Variants in CDKN3 observed in about 807,000 individuals in gnomAD.
The protein encoded by CDKN3 is cyclin-dependent kinase inhibitor 3.
A neutral mutation model predicts 36.1 loss-of-function variants in CDKN3; 19 were observed. The ratio of observed to expected loss-of-function variants is 0.53; its 90% CI spans 0.37 to 0.77. CDKN3 has a LOEUF of 0.77. CDKN3 is among the 30% of genes least tolerant of loss of function. The probability of loss-of-function intolerance (pLI) is 0.00; values close to 1 mark genes in which losing one functional copy is unlikely to be tolerated. For missense variants in CDKN3, 188 were observed against 248.6 expected, an observed-to-expected ratio of 0.76 and a Z score of 1.64; for synonymous variants, 71 against 85.3, an observed-to-expected ratio of 0.83 and a Z score of 0.92.
chr14:54,411,256 C>G, intron 4 of CDKN3: 1 of 459,792 alleles, frequency 2.2e-6, no homozygotes, highest in Non-Finnish European at 3.8e-6. Flanking sequence ...GCAAGAACAG[C>G]AATTGACTTA....
At chr14:54,397,225 C>A in intron 1 of CDKN3, 148 bp downstream of exon 1, 1 of 950,956 alleles carries the variant, frequency 1.1e-6, no homozygotes. Flanking sequence ...AGGTGACTCG[C>A]ACGGGCCCAG....
intron 7 of CDKN3, among the ~76,000 whole-genome samples, chr14:54,418,603 G>C (rs2030626243): frequency 6.6e-6 from 1 of 152,192 alleles, no homozygotes; most frequent in East Asian, 1.9e-4. Context: ...TCAGAAGCGT[G>C]CCCTCTCAGC....
chr14:54,419,157 C>CAA (rs770520508), intron 7 of CDKN3, among the ~76,000 whole-genome samples: 179 of 125,072 alleles, frequency 1.4e-3, no homozygotes, highest in African/African-American at 4.9e-3. Context: ...GACCCTGTCT[C>CAA]AAAAAAAAAA....
chr14:54,400,655 G>A (rs182001748), intron 2 of CDKN3, among the ~76,000 whole-genome samples: 18 of 152,304 alleles, frequency 1.2e-4, no homozygotes, highest in African/African-American at 4.1e-4. Context: ...ACTGTCAGAA[G>A]AGAAAGAGTG....
intron 1 of CDKN3, among the ~76,000 whole-genome samples, chr14:54,398,662 T>A (rs1886387228): frequency 6.6e-6 from 1 of 152,226 alleles, no homozygotes; most frequent in Non-Finnish European, 1.5e-5. Context: ...TTTGTTTTTG[T>A]TTTTCTTTTT....
chr14:54,411,360 T>G (rs2030346635), intron 4 of CDKN3, 124 bp from the exon 5 acceptor site: 1 of 696,570 alleles, frequency 1.4e-6, no homozygotes, highest in East Asian at 2.7e-5. Flanking sequence ...ACTTCAGATT[T>G]ATAGATTGTC....
intron 2 of CDKN3, 142 bp from the exon 3 acceptor site, chr14:54,401,382 A>T (rs1195500175): frequency 2.1e-5 from 12 of 568,098 alleles, no homozygotes; most frequent in Non-Finnish European, 3.2e-6. Context: ...TTGATACTTA[A>T]CTGTGAATTC....
chr14:54,399,655 C>G (rs910502398), intron 1 of CDKN3, among the ~76,000 whole-genome samples: 32 of 152,322 alleles, frequency 2.1e-4, no homozygotes, highest in African/African-American at 7.0e-4. Flanking sequence ...GAACCAAGAT[C>G]AGAAGCCAGA....
intron 3 of CDKN3, among the ~76,000 whole-genome samples, chr14:54,402,411 G>A (rs2029990500): frequency 6.6e-6 from 1 of 151,348 alleles, no homozygotes. Flanking sequence ...TTTTTTTCTT[G>A]TAAATTTGTT....
At chr14:54,417,790 G>T (rs1231154795) in intron 6 of CDKN3, 58 bp from the exon 7 acceptor site, 4 of 909,222 alleles carry the variant, frequency 4.4e-6, no homozygotes, top group Non-Finnish European at 7.0e-6. Context: ...AATATAAAAT[G>T]CTGTACCCTG....
rs4251625 is a variant in CDKN3, at chr14:54,408,873, G to GT, written c.193+93dup. On this transcript the variant is annotated intron_variant, in intron 4 of 7. Transcript: ENST00000335183. Reference sequence around the variant, plus strand: ...ACTCTCTGTCAAAAAGAACAAATCAGTTTTTTTTTAATATAAAAATAAGTT... The same window carrying GT: ...ACTCTCTGTCAAAAAGAACAAATCAGTTTTTTTTTTAATATAAAAATAAGTT... The GT allele has an allele frequency of 3.9e-4, 552 of 1,415,926 alleles. 1 individual carries two copies. The highest frequency in any genetic ancestry group is 7.5e-4 in the Middle Eastern group (3 of 4,020). 87.7% of individuals were successfully genotyped at this position (1,415,926 alleles called of 1,614,324 possible). A position where few individuals can be genotyped will look rare whatever the true frequency, so the allele number is the denominator to read the frequency against.
intron 2 of CDKN3, among the ~76,000 whole-genome samples, chr14:54,400,275 TTAG>T (rs2029897029): frequency 6.7e-6 from 1 of 148,916 alleles, no homozygotes; most frequent in African/African-American, 2.5e-5. Context: ...TTCTACTAAC[TTAG>T]TAGAAGGAAG....
At position 54,401,626 on chromosome 14, in the gene CDKN3, T is replaced by A. The variant is rs771245951; in HGVS notation, c.148+47T>A. ...TTCCTATCAATATGTATATATTTTT[T>A]AATATATTTTTATTGCAGTAGCTTT... On this transcript the variant is annotated intron_variant, in intron 3 of 7. Coordinates refer to ENST00000335183, the MANE Select transcript of CDKN3 (RefSeq NM_005192.4). 19 of 1,280,158 alleles carry A rather than the reference T, an allele frequency of 1.5e-5. No homozygotes were observed. In the South Asian group the frequency reaches 2.2e-4, roughly 15 times the overall value. The allele number at this position is 1,280,158 out of a possible 1,614,324, so 79.3% of individuals were successfully genotyped here. A position where few individuals can be genotyped will look rare whatever the true frequency, so the allele number is the denominator to read the frequency against.
At chr14:54,397,295 G>T (rs1886334757) in intron 1 of CDKN3, among the ~76,000 whole-genome samples, 1 of 152,276 alleles carries the variant, frequency 6.6e-6, no homozygotes, top group Non-Finnish European at 1.5e-5. Flanking sequence ...ACGGACATTC[G>T]CTGTGCACCT....
chr14:54,417,944 C>A lies in CDKN3; in HGVS notation c.545C>A (p.Thr182Asn). 6.3e-7 allele frequency: 1 copy of A among 1,575,920 alleles called. No individual in the cohort carries two copies. The highest frequency in any genetic ancestry group is 8.6e-7 in the Non-Finnish European group (1 of 1,156,218). ...CTAAGAGGATCCGGGGCAATACAGA[C>A]CATCAAGGTGAGGAGGTGGGCGGTG... The part of the protein sequence containing the change: ...RDLRGSGAIQ[T>N]IKQYNYLHEF... The change falls in exon 7 of 8, where the codon ACC (threonine) becomes AAC (asparagine). Residue 182 changes from threonine (T) to asparagine (N), a missense_variant. Physicochemically the swap from Thr to Asn is moderately conservative, Grantham distance 65. Transcript: ENST00000335183.
At chr14:54,397,173 G>A in intron 1 of CDKN3, 96 bp downstream of exon 1, 2 of 1,292,158 alleles carry the variant, frequency 1.5e-6, no homozygotes, top group Non-Finnish European at 2.0e-6. Context: ...CCCTAGCCTG[G>A]TAGCAGTGCG....
At chr14:54,408,692 T>C in intron 3 of CDKN3, 53 bp from the exon 4 acceptor site, 1 of 1,536,654 alleles carries the variant, frequency 6.5e-7, no homozygotes. Context: ...TAAACATACC[T>C]GTTACATATG....
intron 3 of CDKN3, among the ~76,000 whole-genome samples, chr14:54,401,874 T>C (rs940633278): frequency 5.9e-5 from 9 of 152,112 alleles, no homozygotes; most frequent in African/African-American, 1.9e-4. Flanking sequence ...TGAGAACATA[T>C]GATGTTTGGT....
At chr14:54,415,434 G>C (rs2030506119) in intron 5 of CDKN3, among the ~76,000 whole-genome samples, 1 of 152,262 alleles carries the variant, frequency 6.6e-6, no homozygotes, top group East Asian at 1.9e-4. Flanking sequence ...AGCCAGGACT[G>C]AAGCCCAGGC....
Sources: allele counts gnomAD v4.1 joint callset (sites outside exome capture counted in the v4.1 genomes callset), GRCh38; gene constraint gnomAD v4.1.1; transcripts MANE v1.5; gene names NCBI Gene and HGNC (gene_info 2026-07-23, HGNC 2026-07-21).